The following OSBPL8 variants were observed in gnomAD, a reference collection of about 807,000 sequenced individuals.
OSBPL8 encodes oxysterol-binding protein-related protein 8.
Under a neutral mutation model 125.5 loss-of-function variants are expected in OSBPL8, and 59 were observed. That is an observed-to-expected ratio of 0.47 (90% CI 0.38 to 0.58). The LOEUF is 0.58. OSBPL8 is among the 20% of genes least tolerant of loss of function. The probability of loss-of-function intolerance (pLI) is 0.00; values close to 1 mark genes in which losing one functional copy is unlikely to be tolerated. For synonymous variants in OSBPL8, 330 were observed against 338.9 expected (o/e 0.97, Z 0.29); for missense variants, 758 against 1,047.8 (o/e 0.72, Z 3.82).
intron 1 of OSBPL8, among the ~76,000 whole-genome samples, chr12:76,558,293 T>C (rs564560495): frequency 1.6e-4 from 24 of 152,344 alleles, no homozygotes; most frequent in Middle Eastern, 3.4e-3. Flanking sequence ...AAACTGATCA[T>C]AGCCTCTCAG....
At chr12:76,500,592 A>T (rs1879800460) in intron 1 of OSBPL8, among the ~76,000 whole-genome samples, 1 of 152,188 alleles carries the variant, frequency 6.6e-6, no homozygotes, top group Admixed American at 6.5e-5. Flanking sequence ...GGATTACAAC[A>T]TATTCATTTT....
At chr12:76,500,497 T>C (rs1029375168) in intron 1 of OSBPL8, among the ~76,000 whole-genome samples, 5 of 152,214 alleles carry the variant, frequency 3.3e-5, no homozygotes, top group African/African-American at 1.2e-4. Flanking sequence ...TAATACTATT[T>C]AAGTTTTTAA....
At chr12:76,515,661 T>C (rs1881461835) in intron 1 of OSBPL8, among the ~76,000 whole-genome samples, 2 of 152,078 alleles carry the variant, frequency 1.3e-5, no homozygotes, top group Admixed American at 1.3e-4. Flanking sequence ...GTAATCTCAG[T>C]GTTTATGTTC....
At chr12:76,545,911 A>G (rs905123809) in intron 1 of OSBPL8, among the ~76,000 whole-genome samples, 2 of 152,222 alleles carry the variant, frequency 1.3e-5, no homozygotes, top group African/African-American at 4.8e-5. Flanking sequence ...CTTAGTGATT[A>G]TTTTTAAAAA....
chr12:76,439,223 A>C (rs557986045), intron 4 of OSBPL8, among the ~76,000 whole-genome samples: 98 of 151,020 alleles, frequency 6.5e-4, no homozygotes, highest in African/African-American at 2.3e-3. Context: ...TACTAAAAAT[A>C]CAAAAATTAG....
intron 1 of OSBPL8, among the ~76,000 whole-genome samples, chr12:76,490,272 A>G (rs910466601): frequency 2.0e-5 from 3 of 152,198 alleles, no homozygotes; most frequent in African/African-American, 7.2e-5. Flanking sequence ...CCCCACCCTC[A>G]AGTCGAAAAG....
intron 18 of OSBPL8, among the ~76,000 whole-genome samples, chr12:76,372,701 A>T (rs947261794): frequency 3.9e-5 from 6 of 152,188 alleles, no homozygotes; most frequent in Non-Finnish European, 7.3e-5. Context: ...CAGTACCATG[A>T]TTCTTTTTAT....
intron 1 of OSBPL8, chr12:76,536,937 T>C (rs1488142453): frequency 6.6e-6 from 1 of 152,246 alleles, no homozygotes; most frequent in African/African-American, 2.4e-5. Flanking sequence ...GATAAATATA[T>C]TCAACCATTT....
At chr12:76,510,803 C>T (rs1010034805) in intron 1 of OSBPL8, among the ~76,000 whole-genome samples, 3 of 151,800 alleles carry the variant, frequency 2.0e-5, no homozygotes, top group South Asian at 2.1e-4. Flanking sequence ...ATCGCTTGAC[C>T]CCGGGAGCTG....
intron 1 of OSBPL8, among the ~76,000 whole-genome samples, chr12:76,533,134 A>G (rs1448700672): frequency 6.6e-6 from 1 of 152,248 alleles, no homozygotes; most frequent in Non-Finnish European, 1.5e-5. Flanking sequence ...CAGACATAGA[A>G]CATTTTAAAA....
At chr12:76,522,272 T>G (rs1467678037) in intron 1 of OSBPL8, among the ~76,000 whole-genome samples, 1 of 151,068 alleles carries the variant, frequency 6.6e-6, no homozygotes, top group Non-Finnish European at 1.5e-5. Flanking sequence ...CTCAAAGTTT[T>G]AAAAGAGAAA....
intron 1 of OSBPL8, among the ~76,000 whole-genome samples, chr12:76,491,765 C>T (rs2137054051): frequency 6.6e-6 from 1 of 152,124 alleles, no homozygotes; most frequent in African/African-American, 2.4e-5. Context: ...AATAAGAATC[C>T]AAAACAGCAG....
At chr12:76,452,138 T>G (rs1036941152) in intron 3 of OSBPL8, among the ~76,000 whole-genome samples, 2 of 151,950 alleles carry the variant, frequency 1.3e-5, no homozygotes, top group Admixed American at 1.3e-4. Flanking sequence ...GACGGTTTAG[T>G]CTCCACCATA....
rs1953498666 is a variant in OSBPL8, at chr12:76,390,187, A to G, written c.1167+233T>C. The G allele has an allele frequency of 6.7e-6, 3 of 448,036 alleles. 1 individual carries two copies. Among genetic ancestry groups the G allele is most frequent in the Admixed American group, 7.7e-5 (2 of 25,992 alleles). The allele number at this position is 448,036 out of a possible 1,614,324, so 27.8% of individuals were successfully genotyped here. On this transcript the variant is annotated intron_variant, in intron 11 of 23. Coordinates refer to ENST00000261183, the MANE Select transcript of OSBPL8 (RefSeq NM_020841.5). Reference sequence around the variant, plus strand: ...TCAAGCAATATCCTACTTCAAAATCAAGCTTGAAGAAAATGTAAACTTTAA... The same window carrying G: ...TCAAGCAATATCCTACTTCAAAATCGAGCTTGAAGAAAATGTAAACTTTAA...
intron 2 of OSBPL8, among the ~76,000 whole-genome samples, chr12:76,475,769 G>A (rs1876728777): frequency 6.6e-6 from 1 of 152,214 alleles, no homozygotes; most frequent in Admixed American, 6.5e-5. Flanking sequence ...AAGGGAACAG[G>A]AGGAAGGGTT....
At chr12:76,517,436 T>G (rs964848341) in intron 1 of OSBPL8, among the ~76,000 whole-genome samples, 4 of 152,274 alleles carry the variant, frequency 2.6e-5, no homozygotes, top group Admixed American at 6.5e-5. Context: ...ATATTAAACA[T>G]AAATGTTTAT....
At chr12:76,371,041 A>G (rs1952600603) in intron 19 of OSBPL8, among the ~76,000 whole-genome samples, 1 of 152,156 alleles carries the variant, frequency 6.6e-6, no homozygotes, top group African/African-American at 2.4e-5. Context: ...CAGTAACTTT[A>G]CTTTTGTATC....
intron 1 of OSBPL8, among the ~76,000 whole-genome samples, chr12:76,493,319 G>C (rs1370330974): frequency 6.6e-6 from 1 of 152,098 alleles, no homozygotes; most frequent in Non-Finnish European, 1.5e-5. Context: ...TTTTACTGGT[G>C]AGTTTTATAA....
chr12:76,451,485 C>T (rs1445316292), intron 3 of OSBPL8, among the ~76,000 whole-genome samples: 1 of 152,106 alleles, frequency 6.6e-6, no homozygotes, highest in Non-Finnish European at 1.5e-5. Flanking sequence ...CACGAAAAGT[C>T]GGTATGATAA....
Sources: allele counts gnomAD v4.1 joint callset (sites outside exome capture counted in the v4.1 genomes callset), GRCh38; gene constraint gnomAD v4.1.1; transcripts MANE v1.5; gene names NCBI Gene and HGNC (gene_info 2026-07-23, HGNC 2026-07-21).